The following FBXW4 variants were observed in gnomAD, a reference collection of about 807,000 sequenced individuals.
FBXW4 encodes F-box and WD repeat domain containing 4, also known as F-box/WD repeat-containing protein 4.
Under a neutral mutation model 61.8 loss-of-function variants are expected in FBXW4, and 40 were observed. The ratio of observed to expected loss-of-function variants is 0.65; its 90% CI spans 0.50 to 0.84. The LOEUF is 0.84. FBXW4 is among the 40% of genes least tolerant of loss of function. The pLI, the probability that FBXW4 is intolerant of heterozygous loss-of-function variation, is 0.00. For missense variants in FBXW4, 672 were observed against 753.8 expected (o/e 0.89, Z 1.27); for synonymous variants, 311 against 313.8 (o/e 0.99, Z 0.10).
At position 101,694,576 on chromosome 10, in the gene FBXW4, G is replaced by A. The variant is rs752630394; in HGVS notation, c.530C>T (p.Pro177Leu). 1.4e-6 allele frequency: 2 copies of A among 1,465,144 alleles called. No individual in the cohort carries two copies. The highest frequency in any genetic ancestry group is 1.3e-5 in the South Asian group (1 of 74,248). 90.8% of individuals were successfully genotyped at this position (1,465,144 alleles called of 1,614,324 possible). The change falls in exon 1 of 9, where the codon CCG becomes CTG. Residue 177 changes from proline (P) to leucine (L), a missense_variant. By Grantham distance (98) the Pro-to-Leu change is moderately conservative. Around this residue, in one of 5 missense-constraint regions of FBXW4, gnomAD observed 311 missense variants for 301.1 expected, o/e 1.03. Transcript: ENST00000331272. This position sits in a 1 kb window ranked among gnomAD's most constrained non-coding sequence, Gnocchi z 6.0. ...EEAARESAAR[P>L]AAGPALWRLP... is the part of the protein sequence containing the mutation. ...GCGCCAGAGCGCAGGCCCCGCGGCC[G>A]GGCGGGCAGCCGACTCCCGAGCCGC... is the stretch of plus-strand genomic sequence containing the variant.
chr10:101,671,710 A>G (rs1234249633), intron 4 of FBXW4, among the ~76,000 whole-genome samples: 1 of 152,216 alleles, frequency 6.6e-6, no homozygotes, highest in Non-Finnish European at 1.5e-5. Flanking sequence ...GAGCAGTATA[A>G]CAGGTTTAGG....
rs1446113983 is a variant in FBXW4, at chr10:101,687,607, C to A, written c.725+6774G>T. On this transcript the variant is annotated intron_variant, in intron 1 of 8. Coordinates refer to ENST00000331272, the MANE Select transcript of FBXW4 (RefSeq NM_022039.4). Reference sequence around the variant, plus strand: ...TTTCTTATTTGTTTAATCTACCAATCTCCAAGTTAGGGTTCCTATCAAACT... The same window carrying A: ...TTTCTTATTTGTTTAATCTACCAATATCCAAGTTAGGGTTCCTATCAAACT... Among the ~76,000 whole-genome samples the A allele has an allele frequency of 3.3e-5, 5 of 152,296 alleles. No individual in the cohort carries two copies. The South Asian group carries it at 1.0e-3, about 32-fold the overall frequency.
At chr10:101,650,655 C>T (rs2064137902) in intron 5 of FBXW4, among the ~76,000 whole-genome samples, 1 of 152,206 alleles carries the variant, frequency 6.6e-6, no homozygotes, top group African/African-American at 2.4e-5. Flanking sequence ...GTGACAGACA[C>T]ATGGATGGGG....
rs370172283 is a variant in FBXW4 at position 101,670,054 on chromosome 10, C to T, written c.1141-2074G>A. Among the ~76,000 whole-genome samples, 76 of 152,104 alleles carry T rather than the reference C, an allele frequency of 5.0e-4. 4 individuals are homozygous for T. Among genetic ancestry groups the T allele is most frequent in the African/African-American group, 1.5e-3 (62 of 41,498 alleles). On this transcript the variant is annotated intron_variant, in intron 4 of 8. Transcript: ENST00000331272. ...ACAGGTGTGAGCCACCGCGCCCGGC[C>T]GGGAGTGGACATTTATACAGTTCTT...
intron 5 of FBXW4, among the ~76,000 whole-genome samples, chr10:101,661,881 C>T (rs2064247901): frequency 6.6e-6 from 1 of 152,210 alleles, no homozygotes; most frequent in East Asian, 1.9e-4. Flanking sequence ...AGCTACAATG[C>T]AGAGCACTAT....
At chr10:101,628,773 T>G (rs1417453130) in intron 5 of FBXW4, among the ~76,000 whole-genome samples, 3 of 152,160 alleles carry the variant, frequency 2.0e-5, no homozygotes, top group African/African-American at 7.2e-5. Context: ...TCAGGCACAC[T>G]CATGCAAGTA....
At chr10:101,658,957 A>G (rs1589764934) in intron 5 of FBXW4, among the ~76,000 whole-genome samples, 3 of 152,154 alleles carry the variant, frequency 2.0e-5, no homozygotes, top group East Asian at 1.9e-4. Flanking sequence ...GATCAGTGCC[A>G]TAAGTCAGAC....
intron 6 of FBXW4, among the ~76,000 whole-genome samples, chr10:101,620,998 G>A (rs1024149956): frequency 2.6e-5 from 4 of 152,176 alleles, no homozygotes; most frequent in Non-Finnish European, 4.4e-5. Context: ...CATTTGAGAT[G>A]ATGCTGGGTC....
chr10:101,648,623 C>T (rs1319941132), intron 5 of FBXW4, among the ~76,000 whole-genome samples: 1 of 152,178 alleles, frequency 6.6e-6, no homozygotes, highest in African/African-American at 2.4e-5. Flanking sequence ...AGTTAATGTG[C>T]ATCCAACCAG....
intron 5 of FBXW4, among the ~76,000 whole-genome samples, chr10:101,630,224 T>C (rs376145695): frequency 6.6e-6 from 1 of 152,264 alleles, no homozygotes; most frequent in Non-Finnish European, 1.5e-5. Context: ...GAAGGCTTTT[T>C]ATCTGAGCCT....
intron 1 of FBXW4, among the ~76,000 whole-genome samples, chr10:101,689,220 C>A (rs891847540): frequency 6.6e-6 from 1 of 152,148 alleles, no homozygotes; most frequent in Admixed American, 6.5e-5. Context: ...TTGCTCATCT[C>A]ACAGACTGTG....
intron 5 of FBXW4, chr10:101,625,360 G>A (rs1186000946): frequency 6.3e-6 from 1 of 158,940 alleles, no homozygotes; most frequent in African/African-American, 2.4e-5. Flanking sequence ...TATGAAAGAT[G>A]AGTGAATCCC....
At chr10:101,617,080 C>T (rs2063831037) in intron 6 of FBXW4, among the ~76,000 whole-genome samples, 1 of 152,170 alleles carries the variant, frequency 6.6e-6, no homozygotes, top group East Asian at 1.9e-4. Flanking sequence ...GCAGAGTAGC[C>T]ACCGCAGCAA....
intron 5 of FBXW4, among the ~76,000 whole-genome samples, chr10:101,662,930 T>G (rs1370796661): frequency 1.3e-5 from 2 of 152,054 alleles, no homozygotes; most frequent in Non-Finnish European, 2.9e-5. Context: ...CTCCCACCAC[T>G]CCCTGTCTCA....
At chr10:101,628,252 C>T (rs533985541) in intron 5 of FBXW4, among the ~76,000 whole-genome samples, 2 of 152,314 alleles carry the variant, frequency 1.3e-5, no homozygotes, top group African/African-American at 4.8e-5. Context: ...ATTCAAACGG[C>T]TTTTGCCCTC....
chr10:101,678,518 C>T (rs374517094), intron 1 of FBXW4, among the ~76,000 whole-genome samples: 5 of 152,354 alleles, frequency 3.3e-5, no homozygotes, highest in South Asian at 4.1e-4. Flanking sequence ...CTCCGCCTCT[C>T]GGGTTCACAT....
At chr10:101,632,810 T>G (rs1314702930) in intron 5 of FBXW4, among the ~76,000 whole-genome samples, 4 of 152,156 alleles carry the variant, frequency 2.6e-5, no homozygotes, top group Admixed American at 6.5e-5. Context: ...AACTGACCGG[T>G]TCAGACTTCC....
At position 101,679,888 on chromosome 10, in the gene FBXW4, C is replaced by T. The variant is rs536091264; in HGVS notation, c.726-3452G>A. Reference sequence around the variant, plus strand: ...GTAATTTTTCTATCACTTACCCCCCCACCTTCCTCCCTTCTGAATCTCCAA... The same window carrying T: ...GTAATTTTTCTATCACTTACCCCCCTACCTTCCTCCCTTCTGAATCTCCAA... On this transcript the variant is annotated intron_variant, in intron 1 of 8. Transcript: ENST00000331272. Among the ~76,000 whole-genome samples the T allele has an allele frequency of 2.2e-3, 331 of 152,192 alleles. 1 individual carries two copies. The highest frequency in any genetic ancestry group is 3.8e-3 in the Non-Finnish European group (258 of 68,016).
chr10:101,650,328 T>A (rs529891003), intron 5 of FBXW4, among the ~76,000 whole-genome samples: 38 of 152,282 alleles, frequency 2.5e-4, no homozygotes, highest in Admixed American at 2.0e-3. Flanking sequence ...ACTCTGCCTC[T>A]TTTCTGTCTG....
Sources: allele counts gnomAD v4.1 joint callset (sites outside exome capture counted in the v4.1 genomes callset), GRCh38; gene constraint gnomAD v4.1.1; regional missense constraint gnomAD v4.1.1; non-coding constraint Gnocchi (gnomAD v3.1); transcripts MANE v1.5; gene names NCBI Gene and HGNC (gene_info 2026-07-23, HGNC 2026-07-21).